The following ANO6 variants were observed in gnomAD, a reference collection of about 807,000 sequenced individuals.
ANO6 encodes the protein anoctamin-6.
In ANO6, 106 loss-of-function variants were observed where a neutral mutation model predicts 117.5. The ratio of observed to expected loss-of-function variants is 0.90; its 90% CI spans 0.77 to 1.06. ANO6 has a LOEUF of 1.06. Among genes scored for constraint, ANO6 ranks in the 50% least tolerant of loss-of-function variants. ANO6 has a pLI of 0.00. For missense variants in ANO6, 955 were observed against 1,121.1 expected (o/e 0.85, Z 2.12); for synonymous variants, 367 against 385.1 (o/e 0.95, Z 0.55).
At chr12:45,219,742 G>C (rs1432738767) in intron 1 of ANO6, among the ~76,000 whole-genome samples, 3 of 152,148 alleles carry the variant, frequency 2.0e-5, no homozygotes, top group Non-Finnish European at 2.9e-5. Context: ...TTCCTTGTTT[G>C]TTTAAGTTAC....
chr12:45,411,899 C>T (rs901643299), intron 16 of ANO6, among the ~76,000 whole-genome samples: 19 of 152,196 alleles, frequency 1.2e-4, no homozygotes, highest in African/African-American at 4.3e-4. Context: ...GCAGCTACTG[C>T]GTCCTCTGCT....
chr12:45,403,842 C>G (rs576902884), intron 15 of ANO6, among the ~76,000 whole-genome samples: 2 of 152,296 alleles, frequency 1.3e-5, no homozygotes, highest in African/African-American at 4.8e-5. Context: ...AGCGACAGCA[C>G]TGGTTAGAGC....
At chr12:45,246,335 C>T (rs1052072789) in intron 1 of ANO6, among the ~76,000 whole-genome samples, 1 of 152,200 alleles carries the variant, frequency 6.6e-6, no homozygotes, top group Non-Finnish European at 1.5e-5. Context: ...GGTTTTCTTG[C>T]ACTTCCCAGT....
intron 8 of ANO6, among the ~76,000 whole-genome samples, chr12:45,359,855 G>A (rs536517879): frequency 1.3e-4 from 20 of 152,250 alleles, no homozygotes; most frequent in African/African-American, 4.8e-4. Flanking sequence ...ACATTTTGAG[G>A]AACTGTCATA....
intron 3 of ANO6, among the ~76,000 whole-genome samples, chr12:45,345,995 G>A (rs1019334519): frequency 5.1e-5 from 6 of 118,194 alleles, no homozygotes; most frequent in East Asian, 6.1e-4. Flanking sequence ...GGGCGGGGGG[G>A]TTAGAAACAA....
chr12:45,256,490 A>C (rs934154495), intron 1 of ANO6: 1 of 152,080 alleles, frequency 6.6e-6, no homozygotes, highest in Non-Finnish European at 1.5e-5. Flanking sequence ...ATAGATCAGG[A>C]CAAGCAAATT....
intron 1 of ANO6, among the ~76,000 whole-genome samples, chr12:45,294,034 A>G (rs1939207452): frequency 6.6e-6 from 1 of 152,170 alleles, no homozygotes; most frequent in Admixed American, 6.5e-5. Flanking sequence ...TGACATTGAA[A>G]GAAAAATTTG....
intron 1 of ANO6, among the ~76,000 whole-genome samples, chr12:45,284,473 G>T (rs947524132): frequency 1.3e-5 from 2 of 152,210 alleles, no homozygotes; most frequent in Non-Finnish European, 2.9e-5. Flanking sequence ...ACGCGGGCAG[G>T]AGAAGGTCAG....
chr12:45,336,012 C>T (rs1011130506), intron 3 of ANO6, among the ~76,000 whole-genome samples: 1 of 151,906 alleles, frequency 6.6e-6, no homozygotes, highest in African/African-American at 2.4e-5. Flanking sequence ...ATGGCTATGA[C>T]CTCTTGAACA....
At chr12:45,250,229 A>G (rs1159230483) in intron 1 of ANO6, among the ~76,000 whole-genome samples, 1 of 152,236 alleles carries the variant, frequency 6.6e-6, no homozygotes, top group Non-Finnish European at 1.5e-5. Flanking sequence ...AAGAGGTGAC[A>G]TTTCAGACAG....
intron 2 of ANO6, among the ~76,000 whole-genome samples, chr12:45,330,732 C>T (rs373570699): frequency 3.3e-5 from 5 of 152,108 alleles, no homozygotes; most frequent in South Asian, 4.2e-4. Flanking sequence ...GATTAGGGGA[C>T]GAACACCAAT....
In ANO6 at chr12:45,388,234, G is replaced by C; in HGVS notation, c.1239G>C (p.Gln413His). Reference sequence around the variant, plus strand: ...ATGAATGGGATACTGTTGAGTTACAGCAGGAAGAACAAGCCCGACCAGAAT... The same window carrying C: ...ATGAATGGGATACTGTTGAGTTACACCAGGAAGAACAAGCCCGACCAGAAT... ...LEYEWDTVEL[Q>H]QEEQARPEYE... Residue 413 changes from glutamine to histidine, a missense_variant, in exon 11 of 20, where the codon CAG (glutamine) becomes CAC (histidine). Physicochemically the swap from Gln to His is conservative, Grantham distance 24 (BLOSUM62 0). Transcript: ENST00000320560. The C allele has an allele frequency of 6.2e-7, 1 of 1,614,126 alleles. No homozygotes were observed. The highest frequency in any genetic ancestry group is 2.2e-5 in the East Asian group (1 of 44,884).
intron 1 of ANO6, among the ~76,000 whole-genome samples, chr12:45,268,912 T>C (rs1938303173): frequency 6.6e-6 from 1 of 152,242 alleles, no homozygotes. Flanking sequence ...ACATGCATCC[T>C]TTCTGGCTGC....
At chr12:45,401,348 C>G (rs929273694) in intron 12 of ANO6, among the ~76,000 whole-genome samples, 1 of 152,320 alleles carries the variant, frequency 6.6e-6, no homozygotes, top group Admixed American at 6.5e-5. Context: ...AACATTAACT[C>G]ACAACTTAAA....
chr12:45,337,188 A>G (rs922934393), intron 3 of ANO6, among the ~76,000 whole-genome samples: 5 of 151,986 alleles, frequency 3.3e-5, no homozygotes, highest in Non-Finnish European at 7.4e-5. Flanking sequence ...TTCAGTCACC[A>G]CTCACTTGCT....
intron 1 of ANO6, among the ~76,000 whole-genome samples, chr12:45,265,629 G>A (rs1938190577): frequency 1.3e-5 from 2 of 152,154 alleles, no homozygotes; most frequent in Admixed American, 6.5e-5. Flanking sequence ...TGATCATCCA[G>A]TTAACCTTCC....
chr12:45,351,025 A>C (rs1941266588), intron 7 of ANO6, among the ~76,000 whole-genome samples: 1 of 152,218 alleles, frequency 6.6e-6, no homozygotes. Flanking sequence ...CCAGTTCTCC[A>C]ATCACATGGT....
At chr12:45,367,147 A>G (rs1426772402) in intron 8 of ANO6, among the ~76,000 whole-genome samples, 3 of 152,024 alleles carry the variant, frequency 2.0e-5, no homozygotes, top group Non-Finnish European at 2.9e-5. Context: ...ATGCTCTGCT[A>G]ATTTTTGTAT....
intron 16 of ANO6, among the ~76,000 whole-genome samples, chr12:45,415,237 A>G (rs907946256): frequency 9.2e-5 from 14 of 152,262 alleles, no homozygotes; most frequent in African/African-American, 3.4e-4. Flanking sequence ...TCTTAAGTCA[A>G]TTATCATAGT....
Sources: allele counts gnomAD v4.1 joint callset (sites outside exome capture counted in the v4.1 genomes callset), GRCh38; gene constraint gnomAD v4.1.1; transcripts MANE v1.5; gene names NCBI Gene and HGNC (gene_info 2026-07-23, HGNC 2026-07-21).